Variants in COG7 observed in about 807,000 individuals in gnomAD.
COG7 encodes conserved oligomeric Golgi complex subunit 7.
A neutral mutation model predicts 91.5 loss-of-function variants in COG7; 49 were observed. The ratio of observed to expected loss-of-function variants is 0.54; its 90% CI spans 0.43 to 0.68. The LOEUF is 0.68. Among genes scored for constraint, COG7 ranks in the 30% least tolerant of loss-of-function variants. The pLI is 0.00. For missense variants in COG7, 895 were observed against 961.3 expected, an observed-to-expected ratio of 0.93 and a Z score of 0.91; for synonymous variants, 365 against 388.7, an observed-to-expected ratio of 0.94 and a Z score of 0.72.
chr16:23,420,705 C>T (rs1006062817), intron 7 of COG7, among the ~76,000 whole-genome samples: 4 of 152,078 alleles, frequency 2.6e-5, no homozygotes, highest in Admixed American at 1.3e-4. Context: ...ATCAAATCTG[C>T]ACATGTATAG....
chr16:23,418,689 T>G lies in COG7; in HGVS notation c.1137+11A>C, dbSNP rs74012174. On this transcript the variant is annotated intron_variant, in intron 8 of 16. Coordinates refer to ENST00000307149, the MANE Select transcript of COG7 (RefSeq NM_153603.4). Reference sequence around the variant, plus strand: ...TGCTTCCTCAGTGGCCCCAGGACACTGCGACTTTACCAGAGGCACAGCACT... The same window carrying G: ...TGCTTCCTCAGTGGCCCCAGGACACGGCGACTTTACCAGAGGCACAGCACT... 460 of 1,613,052 alleles carry G rather than the reference T, an allele frequency of 2.9e-4. No individual in the cohort carries two copies. In the African/African-American group the frequency reaches 5.5e-3, roughly 19 times the overall value.
chr16:23,444,188 T>A lies in COG7; in HGVS notation c.435+860A>T, dbSNP rs143433685. 6.9e-3 allele frequency among the ~76,000 whole-genome samples: 1,046 copies of A among 151,756 alleles called. 3 individuals carry two copies. Among genetic ancestry groups the A allele is most frequent in the Middle Eastern group, 0.01 (3 of 294 alleles). On this transcript the variant is annotated intron_variant, in intron 3 of 16. Transcript: ENST00000307149. ...TAGAGGACTAAGGTGGGGGTCAGGGTTAGGAAAAAAACTTATTTTTTGCAG... is the reference window on the plus strand; with the variant it reads ...TAGAGGACTAAGGTGGGGGTCAGGGATAGGAAAAAAACTTATTTTTTGCAG...
chr16:23,391,249 GAAT>G, intron 16 of COG7, among the ~76,000 whole-genome samples: 1 of 152,308 alleles, frequency 6.6e-6, no homozygotes, highest in South Asian at 2.1e-4. Context: ...TAACAGGGAG[GAAT>G]AACAAGGACA....
rs137973425 is a variant in COG7 at position 23,440,809 on chromosome 16, T to G, written c.604+1668A>C. ...AAGTAGAGAGTTTATTTGGGTGAAG[T>G]TTGAGGACTGCAAACCAGAGTCATG... On this transcript the variant is annotated intron_variant, in intron 4 of 16. Transcript: ENST00000307149. Among the ~76,000 whole-genome samples the G allele has an allele frequency of 7.3e-3, 1,108 of 152,128 alleles. 18 individuals carry two copies. Among genetic ancestry groups the G allele is most frequent in the African/African-American group, 0.026 (1,066 of 41,498 alleles).
chr16:23,448,149 C>G (rs1273506221), intron 1 of COG7, among the ~76,000 whole-genome samples: 1 of 152,084 alleles, frequency 6.6e-6, no homozygotes, highest in East Asian at 1.9e-4. Flanking sequence ...CTTGTCTCAT[C>G]TTGCATAAAA....
chr16:23,403,205 C>T (rs963297126), intron 13 of COG7, among the ~76,000 whole-genome samples: 1 of 152,148 alleles, frequency 6.6e-6, no homozygotes, highest in African/African-American at 2.4e-5. Context: ...ATTCTAGAAA[C>T]AGCCAAACAG....
At chr16:23,391,985 A>G in intron 16 of COG7, 1 of 1,168,758 alleles carries the variant, frequency 8.6e-7, no homozygotes, top group Non-Finnish European at 1.1e-6. Flanking sequence ...TTGGAATTAC[A>G]TAAGACGATG....
At chr16:23,411,755 CAT>C (rs1190233305) in intron 10 of COG7, among the ~76,000 whole-genome samples, 4 of 152,176 alleles carry the variant, frequency 2.6e-5, no homozygotes, top group African/African-American at 9.7e-5. Context: ...TTAAGAACCA[CAT>C]GTGTCACGGG....
At position 23,417,124 on chromosome 16, in the gene COG7, G is replaced by C. The variant is rs565870743; in HGVS notation, c.1138-3C>G. The C allele has an allele frequency of 6.2e-7, 1 of 1,614,152 alleles. No individual in the cohort carries two copies. Among genetic ancestry groups the C allele is most frequent in the African/African-American group, 1.3e-5 (1 of 75,060 alleles). On this transcript the variant is annotated splice_polypyrimidine_tract_variant and splice_region_variant and intron_variant, in intron 8 of 16. Transcript: ENST00000307149. Reference sequence around the variant, plus strand: ...CAGTCAATCACTTCCCCATGCTCCTGGTCAGCAAATACAGACAAAGCTGCA... The same window carrying C: ...CAGTCAATCACTTCCCCATGCTCCTCGTCAGCAAATACAGACAAAGCTGCA...
rs745924010 is a variant in COG7 at position 23,442,568 on chromosome 16, T to G, written c.513A>C (p.Ser171=). ...GTGCCTCCAAGTGCACACACTTTTC[T>G]GAGTAGTCTGGTGTATCAACAAGCA... ...LMMLVDTPDY[S]EKCVHLEALK... Residue 171 remains serine (S), a synonymous_variant, in exon 4 of 17, where the codon TCA becomes TCC. Transcript: ENST00000307149. 6.2e-6 allele frequency: 10 copies of G among 1,614,164 alleles called. No homozygotes were observed. The highest frequency in any genetic ancestry group is 8.5e-6 in the Non-Finnish European group (10 of 1,179,998).
At chr16:23,435,841 A>T (rs911556652) in intron 4 of COG7, among the ~76,000 whole-genome samples, 1 of 152,246 alleles carries the variant, frequency 6.6e-6, no homozygotes, top group African/African-American at 2.4e-5. Flanking sequence ...AACTTGACTT[A>T]ATGGGCAGAA....
chr16:23,391,113 A>G (rs557965924), intron 16 of COG7, among the ~76,000 whole-genome samples: 2 of 152,346 alleles, frequency 1.3e-5, no homozygotes, highest in South Asian at 2.1e-4. Flanking sequence ...ACATCCTTAC[A>G]GTGTAAGCTC....
chr16:23,417,631 C>T (rs2142075692), intron 8 of COG7, among the ~76,000 whole-genome samples: 1 of 152,096 alleles, frequency 6.6e-6, no homozygotes, highest in African/African-American at 2.4e-5. Context: ...TGGTGACATG[C>T]ACCTGTAGTC....
At position 23,392,300 on chromosome 16, in the gene COG7, T is replaced by C. The variant is rs771265606; in HGVS notation, c.2146+80A>G. The C allele has an allele frequency of 7.5e-6, 12 of 1,600,450 alleles. No individual in the cohort carries two copies. The South Asian group carries it at 1.3e-4, about 18-fold the overall frequency. ...AGCTAAGGGAAGACTTGGGATGAGA[T>C]TCCTGGAGGGCAAAGGAGAAACTGA... is the stretch of plus-strand genomic sequence containing the variant. On this transcript the variant is annotated intron_variant, in intron 16 of 16. Transcript: ENST00000307149.
rs371329243 is a variant in COG7 at position 23,413,522 on chromosome 16, C to G, written c.1335G>C (p.Lys445Asn). 67 of 1,612,684 alleles carry G rather than the reference C, an allele frequency of 4.2e-5. No homozygotes were observed. Among genetic ancestry groups the G allele is most frequent in the Non-Finnish European group, 5.7e-5 (67 of 1,178,800 alleles). ...DFTSTLQSIR[K>N]KCKLDHIPPN... Reference sequence around the variant, plus strand: ...GAGGAATGTGGTCCAGTTTGCACTTCTTTCGTATGGACTGGAGAGTGCTGG... The same window carrying G: ...GAGGAATGTGGTCCAGTTTGCACTTGTTTCGTATGGACTGGAGAGTGCTGG... The change falls in exon 10 of 17, where the codon AAG (lysine) becomes AAC (asparagine). Residue 445 changes from lysine (K) to asparagine (N), a missense_variant. Coordinates refer to ENST00000307149, the MANE Select transcript of COG7 (RefSeq NM_153603.4).
chr16:23,413,359 C>T (rs1963597377), intron 10 of COG7, 89 bp downstream of exon 10: 1 of 824,484 alleles, frequency 1.2e-6, no homozygotes, highest in African/African-American at 1.7e-5. Context: ...GAACCCCTTC[C>T]AAACACATTT....
chr16:23,404,968 C>T (rs1384670790), intron 12 of COG7, among the ~76,000 whole-genome samples: 1 of 152,168 alleles, frequency 6.6e-6, no homozygotes, highest in African/African-American at 2.4e-5. Context: ...ACAGCAATGT[C>T]TCCTCTGTCT....
At chr16:23,413,147 C>T (rs948860244) in intron 10 of COG7, 6 of 354,240 alleles carry the variant, frequency 1.7e-5, no homozygotes, top group Admixed American at 8.2e-5. Context: ...AAAAACTATA[C>T]GCTAAGGTGG....
At chr16:23,397,984 C>A (rs1166529261) in intron 14 of COG7, 62 bp downstream of exon 14, 8 of 1,412,870 alleles carry the variant, frequency 5.7e-6, no homozygotes, top group South Asian at 1.2e-5. Context: ...GGGCAAGAAT[C>A]AAAAGACAAG....
Sources: gnomAD v4.1 joint callset for allele counts (sites outside exome capture counted in the v4.1 genomes callset) on GRCh38, gnomAD v4.1.1 for gene constraint, MANE v1.5 for transcripts, NCBI Gene and HGNC (gene_info 2026-07-23, HGNC 2026-07-21) for gene names.